Variants in EIPR1 observed in about 807,000 individuals in gnomAD.
EIPR1 encodes EARP complex and GARP complex interacting protein 1.
In EIPR1, 25 loss-of-function variants were observed where a neutral mutation model predicts 48.1. The ratio of observed to expected loss-of-function variants is 0.52; its 90% CI spans 0.38 to 0.73. EIPR1 has a LOEUF of 0.73. Ranked by LOEUF, EIPR1 falls within the 30% of genes least tolerant of loss-of-function variation. The probability of loss-of-function intolerance (pLI) is 0.00; values close to 1 mark genes in which losing one functional copy is unlikely to be tolerated. For synonymous variants in EIPR1, 204 were observed against 201.9 expected, an observed-to-expected ratio of 1.01 and a Z score of -0.09; for missense variants, 415 against 506.2, an observed-to-expected ratio of 0.82 and a Z score of 1.73.
At chr2:3,260,530 G>GGAGA (rs1194236338) in intron 3 of EIPR1, among the ~76,000 whole-genome samples, 1 of 139,534 alleles carries the variant, frequency 7.2e-6, no homozygotes, top group African/African-American at 2.6e-5. Context: ...AGGGAGGGAG[G>GGAGA]GAGGGAGGGA....
At chr2:3,305,272 C>CTCCCGTCCAGTTCAGCCCTCCAG (rs1668901737) in intron 3 of EIPR1, among the ~76,000 whole-genome samples, 1 of 143,722 alleles carries the variant, frequency 7.0e-6, no homozygotes, top group Non-Finnish European at 1.5e-5. Flanking sequence ...CAGCCCTCCA[C>CTCCCGTCCAGTTCAGCCCTCCAG]TCCCGTCCAG....
intron 3 of EIPR1, among the ~76,000 whole-genome samples, chr2:3,324,620 C>T (rs2103330052): frequency 1.3e-5 from 2 of 152,390 alleles, no homozygotes; most frequent in African/African-American, 4.8e-5. Flanking sequence ...CTGCCCAGGG[C>T]ACCACTTGTT....
At chr2:3,354,385 G>T (rs1670668123) in intron 2 of EIPR1, among the ~76,000 whole-genome samples, 165 bp downstream of exon 2, 1 of 152,216 alleles carries the variant, frequency 6.6e-6, no homozygotes, top group South Asian at 2.1e-4. Context: ...CATATAGATG[G>T]ATAATATTCT....
rs970578788 is a variant in EIPR1 at position 3,377,737 on chromosome 2, C to A, written c.-48G>T. Reference sequence around the variant, plus strand: ...CCGGCCACTCACACGCTAAGGACCTCGCTACGGCCGGCGCGTCCCCACCTC... The same window carrying A: ...CCGGCCACTCACACGCTAAGGACCTAGCTACGGCCGGCGCGTCCCCACCTC... On this transcript the variant is annotated 5_prime_UTR_variant, in exon 1 of 9. It introduces an in-frame stop codon into an upstream open reading frame of the 5' UTR. Coordinates refer to ENST00000382125, the MANE Select transcript of EIPR1 (RefSeq NM_003310.5). 3.9e-6 allele frequency: 6 copies of A among 1,550,800 alleles called. No individual in the cohort carries two copies. The African/African-American group carries it at 6.8e-5, about 18-fold the overall frequency.
intron 3 of EIPR1, among the ~76,000 whole-genome samples, chr2:3,260,617 T>C (rs558810911): frequency 1.3e-3 from 203 of 152,212 alleles, no homozygotes; most frequent in African/African-American, 4.6e-3. Flanking sequence ...TTATAATACA[T>C]ATATCTGACA....
intron 4 of EIPR1, among the ~76,000 whole-genome samples, chr2:3,220,051 G>T (rs928520489): frequency 6.6e-6 from 1 of 152,206 alleles, no homozygotes; most frequent in Non-Finnish European, 1.5e-5. Context: ...GCATGAGAGG[G>T]ATCTAGGCTG....
chr2:3,225,760 C>T (rs1008223930), intron 4 of EIPR1, among the ~76,000 whole-genome samples: 1 of 152,174 alleles, frequency 6.6e-6, no homozygotes, highest in South Asian at 2.1e-4. Flanking sequence ...ATCTTATAAG[C>T]TGAACGTTCC....
At position 3,257,347 on chromosome 2, in the gene EIPR1, AG is replaced by A. The variant is rs1053243839; in HGVS notation, c.367del (p.Leu123TrpfsTer63). The A allele has an allele frequency of 2.5e-6, 4 of 1,614,044 alleles. No individual in the cohort carries two copies. The African/African-American group carries it at 4.0e-5, about 16-fold the overall frequency. ...PDDSSSTAQT[L>X]ELLCHLDNTA... ...GTTGTCAAGGTGACAGAGCAGCTCC[AG>A]GGTCTGTGCAGTGCTGGATGAATCA... On this transcript the variant is annotated frameshift_variant, in exon 4 of 9. Transcript: ENST00000382125. LOFTEE classifies it high-confidence loss of function.
chr2:3,213,855 A>AT (rs1042562512), intron 5 of EIPR1, among the ~76,000 whole-genome samples: 1 of 152,012 alleles, frequency 6.6e-6, no homozygotes, highest in Non-Finnish European at 1.5e-5. Context: ...TAATTTTTTT[A>AT]TTTTTTTCAT....
At chr2:3,308,581 G>A (rs904157533) in intron 3 of EIPR1, among the ~76,000 whole-genome samples, 1 of 152,192 alleles carries the variant, frequency 6.6e-6, no homozygotes, top group Non-Finnish European at 1.5e-5. Context: ...GAGAAAGTGA[G>A]GTTGAAAAGC....
At chr2:3,223,358 T>C (rs1239006353) in intron 4 of EIPR1, among the ~76,000 whole-genome samples, 1 of 151,992 alleles carries the variant, frequency 6.6e-6, no homozygotes. Flanking sequence ...GACTCTCAAC[T>C]GTATGAGCAA....
In EIPR1 at chr2:3,238,377, C is replaced by T. The variant is rs61098984; in HGVS notation, c.416+18922G>A. Among the ~76,000 whole-genome samples, 359 of 152,326 alleles carry T rather than the reference C, an allele frequency of 2.4e-3. 2 individuals are homozygous for T. Among genetic ancestry groups the T allele is most frequent in the African/African-American group, 8.2e-3 (341 of 41,564 alleles). ...ACGGGCTGGTGACACTCCAGAGCCGCGGGAGGTCCTGTCGCCTGCACAGGT... is the reference window on the plus strand; with the variant it reads ...ACGGGCTGGTGACACTCCAGAGCCGTGGGAGGTCCTGTCGCCTGCACAGGT... On this transcript the variant is annotated intron_variant, in intron 4 of 8. Transcript: ENST00000382125.
intron 3 of EIPR1, among the ~76,000 whole-genome samples, chr2:3,308,948 G>A (rs1025563500): frequency 1.3e-5 from 2 of 152,276 alleles, no homozygotes; most frequent in African/African-American, 4.8e-5. Context: ...GAAAACTAAG[G>A]AAGTTTGCCA....
At chr2:3,305,717 C>T (rs867718252) in intron 3 of EIPR1, among the ~76,000 whole-genome samples, 39 of 152,190 alleles carry the variant, frequency 2.6e-4, no homozygotes, top group African/African-American at 8.2e-4. Flanking sequence ...TTGACGACAC[C>T]GCCACAATCT....
At chr2:3,276,737 A>C (rs182748175) in intron 3 of EIPR1, among the ~76,000 whole-genome samples, 1 of 152,378 alleles carries the variant, frequency 6.6e-6, no homozygotes, top group African/African-American at 2.4e-5. Context: ...CTACAGATGT[A>C]ATTTACCAGC....
chr2:3,196,762 A>T lies in EIPR1; in HGVS notation c.653+119T>A, dbSNP rs1572277915. The T allele has an allele frequency of 4.3e-6, 6 of 1,398,562 alleles. 1 individual carries two copies. The Middle Eastern group carries it at 6.8e-4, about 158-fold the overall frequency. 86.6% of individuals were successfully genotyped at this position (1,398,562 alleles called of 1,614,324 possible). On this transcript the variant is annotated intron_variant, in intron 6 of 8. Transcript: ENST00000382125. The stretch of plus-strand genomic sequence containing the variant: ...ATTTATGATTTCCTACAAAAACGAG[A>T]TAAAGACAAACCATGCGCCCCCAAA...
chr2:3,345,164 G>C (rs1483734928), intron 2 of EIPR1, among the ~76,000 whole-genome samples: 1 of 152,138 alleles, frequency 6.6e-6, no homozygotes, highest in African/African-American at 2.4e-5. Context: ...ACCTAACTGG[G>C]TCACTGGAAT....
chr2:3,193,436 C>T (rs1457040133), intron 7 of EIPR1, among the ~76,000 whole-genome samples: 10 of 152,220 alleles, frequency 6.6e-5, no homozygotes, highest in Admixed American at 6.5e-4. Flanking sequence ...CCCGTGTGTG[C>T]ACACACGTTT....
chr2:3,260,837 G>C (rs886285579), intron 3 of EIPR1, among the ~76,000 whole-genome samples: 2 of 152,198 alleles, frequency 1.3e-5, no homozygotes, highest in African/African-American at 4.8e-5. Flanking sequence ...CATCTTACTA[G>C]AGTGGTGAAA....
Sources: gnomAD v4.1 joint callset for allele counts (sites outside exome capture counted in the v4.1 genomes callset) on GRCh38, gnomAD v4.1.1 for gene constraint, MANE v1.5 for transcripts, NCBI Gene and HGNC (gene_info 2026-07-23, HGNC 2026-07-21) for gene names.